The following CDH2 variants were observed in gnomAD, a reference collection of about 807,000 sequenced individuals.
The protein encoded by CDH2 is cadherin 2.
CDH2 carries 17 observed loss-of-function variants against 92.0 expected under a neutral mutation model. The observed-to-expected ratio is 0.18, with a 90% CI of 0.13 to 0.28. The LOEUF is 0.28. Among genes scored for constraint, CDH2 ranks in the 10% least tolerant of loss-of-function variants. The pLI, the probability that CDH2 is intolerant of heterozygous loss-of-function variation, is 1.00. For synonymous variants in CDH2, 419 were observed against 415.9 expected (o/e 1.01, Z -0.09); for missense variants, 862 against 1,133.1 (o/e 0.76, Z 3.44).
intron 1 of CDH2, among the ~76,000 whole-genome samples, chr18:28,176,461 C>T (rs1447361764): frequency 6.6e-6 from 1 of 152,136 alleles, no homozygotes; most frequent in Non-Finnish European, 1.5e-5. Flanking sequence ...CCTTGAGCAC[C>T]GGGAGGCGCA....
chr18:28,126,213 T>C (rs896040524), intron 2 of CDH2, among the ~76,000 whole-genome samples: 1 of 152,202 alleles, frequency 6.6e-6, no homozygotes, highest in Non-Finnish European at 1.5e-5. Flanking sequence ...GTTCGCTATA[T>C]ATTATTACCA....
chr18:28,070,811 C>T (rs929437113), intron 2 of CDH2, among the ~76,000 whole-genome samples: 15 of 152,292 alleles, frequency 9.8e-5, no homozygotes, highest in Middle Eastern at 3.4e-3. Flanking sequence ...TGGTAAACAA[C>T]ACATCATGTC....
At chr18:28,162,625 C>A (rs2016323130) in intron 1 of CDH2, among the ~76,000 whole-genome samples, 1 of 152,190 alleles carries the variant, frequency 6.6e-6, no homozygotes, top group Non-Finnish European at 1.5e-5. Flanking sequence ...ATTCTAAAGT[C>A]CAAATCCTCC....
rs763345128 is a variant in CDH2, at chr18:27,985,741, T to C, written c.1762A>G (p.Thr588Ala). 1 of 1,608,088 alleles carries C rather than the reference T, an allele frequency of 6.2e-7. No individual in the cohort carries two copies. The highest frequency in any genetic ancestry group is 2.2e-5 in the East Asian group (1 of 44,810). The change falls in exon 12 of 16, where the codon ACA becomes GCA. Residue 588 changes from threonine (T) to alanine (A), a missense_variant. Around this residue, in one of 5 missense-constraint regions of CDH2, gnomAD observed 564 missense variants for 722.2 expected, o/e 0.78. Coordinates refer to ENST00000269141, the MANE Select transcript of CDH2 (RefSeq NM_001792.5). ...AGTAAATAGATCTGCAGCGTTCCTG[T>C]TCCACTCATAGGAGGAATTCCTGAA... ...SDNGIPPMSG[T>A]GTLQIYLLDI... is the part of the protein sequence containing the mutation.
rs1030783246 is a variant in CDH2, at chr18:27,963,244, A to G, written c.2514+113T>C. On this transcript the variant is annotated intron_variant, in intron 15 of 15. Transcript: ENST00000269141. ...ACACAAGATGAACTTCAGAAACACA[A>G]GTATGTTTTAGTGAACTATATAGCT... The G allele has an allele frequency of 8.1e-5, 69 of 848,170 alleles. No homozygotes were observed. The African/African-American group carries it at 1.0e-3, about 13-fold the overall frequency. The allele number at this position is 848,170 out of a possible 1,614,324, so 52.5% of individuals were successfully genotyped here.
At chr18:28,035,834 T>C (rs923713882) in intron 2 of CDH2, among the ~76,000 whole-genome samples, 5 of 152,050 alleles carry the variant, frequency 3.3e-5, no homozygotes, top group East Asian at 1.9e-4. Flanking sequence ...TGTGAGCGAG[T>C]TGAAAATATA....
chr18:28,007,454 G>A (rs1390063244), intron 5 of CDH2, among the ~76,000 whole-genome samples: 1 of 151,016 alleles, frequency 6.6e-6, no homozygotes, highest in Admixed American at 6.6e-5. Context: ...GGTTGCTGCT[G>A]GATACACTCT....
At chr18:27,943,476 A>G (rs568984872) in intron 6 of CDH2, among the ~76,000 whole-genome samples, 1 of 152,346 alleles carries the variant, frequency 6.6e-6, no homozygotes, top group South Asian at 2.1e-4. Context: ...ATGTTACCAA[A>G]AAGCATCAAC....
intron 14 of CDH2, among the ~76,000 whole-genome samples, chr18:27,978,412 T>A (rs1201181702): frequency 6.6e-6 from 1 of 152,070 alleles, no homozygotes; most frequent in African/African-American, 2.4e-5. Context: ...CGCACACACA[T>A]ATCACCTGCT....
At chr18:28,007,165 A>AAAATAAAATATATATATAT (rs1172779200) in intron 5 of CDH2, among the ~76,000 whole-genome samples, 1 of 110,502 alleles carries the variant, frequency 9.0e-6, no homozygotes, top group African/African-American at 4.4e-5. Flanking sequence ...ATAAAAAAAA[A>AAAATAAAATATATATATAT]ATATATATAT....
chr18:28,175,436 CAA>C (rs1461785295), intron 1 of CDH2, among the ~76,000 whole-genome samples: 1 of 152,178 alleles, frequency 6.6e-6, no homozygotes, highest in Non-Finnish European at 1.5e-5. Context: ...TGGGGAGAGA[CAA>C]AGTGAGAGAG....
chr18:28,107,275 G>C (rs2015337288), intron 2 of CDH2, among the ~76,000 whole-genome samples: 1 of 151,884 alleles, frequency 6.6e-6, no homozygotes, highest in Non-Finnish European at 1.5e-5. Flanking sequence ...AGTGAAGTCT[G>C]TAGTACTGTA....
At chr18:28,075,017 T>C (rs2014692515) in intron 2 of CDH2, among the ~76,000 whole-genome samples, 1 of 152,184 alleles carries the variant, frequency 6.6e-6, no homozygotes, top group Non-Finnish European at 1.5e-5. Flanking sequence ...ACATCTTCTT[T>C]GGGCTTCAAT....
At chr18:28,113,576 A>G (rs531492451) in intron 2 of CDH2, among the ~76,000 whole-genome samples, 1 of 152,142 alleles carries the variant, frequency 6.6e-6, no homozygotes, top group Non-Finnish European at 1.5e-5. Context: ...TAGATTTAGC[A>G]TAACTAAAAT....
At chr18:28,034,050 A>AT (rs996693372) in intron 2 of CDH2, among the ~76,000 whole-genome samples, 21 of 152,186 alleles carry the variant, frequency 1.4e-4, no homozygotes, top group Admixed American at 7.9e-4. Context: ...ATTGATAATC[A>AT]TTTTTTTATC....
At chr18:28,140,088 C>T (rs559005954) in intron 2 of CDH2, among the ~76,000 whole-genome samples, 2 of 152,054 alleles carry the variant, frequency 1.3e-5, no homozygotes, top group East Asian at 3.9e-4. Context: ...CATATCCTGT[C>T]AACTCTATCT....
intron 2 of CDH2, among the ~76,000 whole-genome samples, chr18:28,089,768 T>C (rs948989506): frequency 6.6e-6 from 1 of 152,320 alleles, no homozygotes; most frequent in South Asian, 2.1e-4. Flanking sequence ...CTTTACCAGG[T>C]CTTATTCCAA....
chr18:28,172,888 A>G (rs989305660), intron 1 of CDH2, among the ~76,000 whole-genome samples: 1 of 152,142 alleles, frequency 6.6e-6, no homozygotes, highest in African/African-American at 2.4e-5. Flanking sequence ...GAAGATGGGG[A>G]TTTTAATCAC....
intron 2 of CDH2, among the ~76,000 whole-genome samples, chr18:28,126,555 T>G (rs2144282753): frequency 6.6e-6 from 1 of 152,252 alleles, no homozygotes; most frequent in Admixed American, 6.5e-5. Context: ...CTGGAATTCA[T>G]GCAAATTTGA....
Sources: gnomAD v4.1 joint callset for allele counts (sites outside exome capture counted in the v4.1 genomes callset) on GRCh38, gnomAD v4.1.1 for gene constraint, gnomAD v4.1.1 regional missense constraint, MANE v1.5 for transcripts, NCBI Gene and HGNC (gene_info 2026-07-23, HGNC 2026-07-21) for gene names.